CDYL: variants seen among roughly 807,000 people sequenced by gnomAD.
CDYL encodes chromodomain Y-like protein.
A neutral mutation model predicts 47.3 loss-of-function variants in CDYL; 8 were observed. That is an observed-to-expected ratio of 0.17 (90% confidence interval 0.10 to 0.31). The LOEUF (loss-of-function observed/expected upper bound fraction) is 0.31. Among genes scored for constraint, CDYL ranks in the 10% least tolerant of loss-of-function variants. The pLI, the probability that CDYL is intolerant of heterozygous loss-of-function variation, is 1.00. For missense variants in CDYL, 471 were observed against 701.4 expected (o/e 0.67, Z 3.71); for synonymous variants, 266 against 265.0 (o/e 1.00, Z -0.04).
At chr6:4,862,412 C>G (rs1056132862) in intron 1 of CDYL, among the ~76,000 whole-genome samples, 2 of 152,168 alleles carry the variant, frequency 1.3e-5, no homozygotes, top group African/African-American at 4.8e-5. Flanking sequence ...CTGGTGACAG[C>G]TCACCCTACA....
Position 4,892,176 on chromosome 6 carries a change from C to G in CDYL, c.488C>G (p.Pro163Arg). The G allele has an allele frequency of 6.2e-7, 1 of 1,614,218 alleles. No individual in the cohort carries two copies. Among genetic ancestry groups the G allele is most frequent in the Non-Finnish European group, 8.5e-7 (1 of 1,180,050 alleles). ...TAVDGFQSES[P>R]EKLDPVEQGQ... ...GTGGACGGCTTTCAGAGCGAGAGCC[C>G]TGAGAAACTGGACCCCGTCGAGCAG... The change falls in exon 2 of 7, where the codon CCT becomes CGT. Residue 163 changes from proline to arginine, a missense_variant. This residue lies in a region of CDYL where 311 missense variants were observed against 350.0 expected (regional missense o/e 0.89). Coordinates refer to ENST00000397588, the MANE Select transcript of CDYL (RefSeq NM_004824.4).
intron 2 of CDYL, among the ~76,000 whole-genome samples, chr6:4,718,876 A>G (rs1250763402): frequency 6.6e-6 from 1 of 150,872 alleles, no homozygotes; most frequent in Non-Finnish European, 1.5e-5. Context: ...ATAGGCATTC[A>G]GGTTATATTG....
chr6:4,857,955 A>G (rs1761056413), intron 1 of CDYL, among the ~76,000 whole-genome samples: 1 of 152,196 alleles, frequency 6.6e-6, no homozygotes, highest in African/African-American at 2.4e-5. Context: ...TGGATTTGCC[A>G]AGTTGGATTG....
At chr6:4,712,990 C>T (rs1757179152) in intron 1 of CDYL, among the ~76,000 whole-genome samples, 1 of 152,172 alleles carries the variant, frequency 6.6e-6, no homozygotes, top group Non-Finnish European at 1.5e-5. Context: ...ACAAAACATA[C>T]AAAAATTAGC....
At position 4,783,531 on chromosome 6, in the gene CDYL, C is replaced by T. The variant is rs182537270; in HGVS notation, c.24+6724C>T. On this transcript the variant is annotated intron_variant, in intron 1 of 6. Transcript: ENST00000397588. ...TCACTGGTTCAAGTGATTCTCCTGC[C>T]TCAGCCTTTCAAGTAGCTGGGATTA... Among the ~76,000 whole-genome samples the T allele has an allele frequency of 1.5e-4, 23 of 152,044 alleles. 2 individuals carry two copies. The East Asian group carries it at 2.3e-3, about 15-fold the overall frequency.
At position 4,955,280 on chromosome 6, in the gene CDYL, T is replaced by C. The variant is rs1349704386; in HGVS notation, c.*1224T>C. On this transcript the variant is annotated 3_prime_UTR_variant, in exon 7 of 7. Coordinates refer to ENST00000397588, the MANE Select transcript of CDYL (RefSeq NM_004824.4). Reference sequence around the variant, plus strand: ...TGAGCTTGCAATCATATTGAATGTATGAAGAGCGAAATCAAATTCTTATTT... The same window carrying C: ...TGAGCTTGCAATCATATTGAATGTACGAAGAGCGAAATCAAATTCTTATTT... The C allele has an allele frequency of 6.6e-6, 1 of 152,660 alleles. No individual in the cohort carries two copies. Among genetic ancestry groups the C allele is most frequent in the Non-Finnish European group, 1.5e-5 (1 of 68,040 alleles). The allele number at this position is 152,660 out of a possible 1,614,324, so 9.5% of individuals were successfully genotyped here. A position where few individuals can be genotyped will look rare whatever the true frequency, so the allele number is the denominator to read the frequency against.
intron 2 of CDYL, among the ~76,000 whole-genome samples, chr6:4,728,218 T>C (rs1757547974): frequency 6.6e-6 from 1 of 152,238 alleles, no homozygotes; most frequent in African/African-American, 2.4e-5. Context: ...TTAAGCTTGC[T>C]TGTGGATGAT....
chr6:4,854,775 A>C (rs781018375), intron 1 of CDYL, among the ~76,000 whole-genome samples: 3 of 152,148 alleles, frequency 2.0e-5, no homozygotes, highest in Non-Finnish European at 2.9e-5. Context: ...TCGAAACAAA[A>C]ACCAGCCACC....
At chr6:4,830,502 T>A (rs1437898073) in intron 1 of CDYL, among the ~76,000 whole-genome samples, 1 of 152,232 alleles carries the variant, frequency 6.6e-6, no homozygotes, top group African/African-American at 2.4e-5. Context: ...TAGTTTGTGT[T>A]CTGAAGCTTT....
intron 1 of CDYL, among the ~76,000 whole-genome samples, chr6:4,865,346 G>A (rs373332902): frequency 1.1e-4 from 17 of 152,162 alleles, no homozygotes; most frequent in South Asian, 8.3e-4. Flanking sequence ...TAGACTGTGC[G>A]GTCCAACCCT....
intron 1 of CDYL, among the ~76,000 whole-genome samples, chr6:4,851,155 T>C (rs572305085): frequency 1.3e-5 from 2 of 152,270 alleles, no homozygotes; most frequent in Admixed American, 1.3e-4. Flanking sequence ...TAGTAGAAAG[T>C]AGTAATCTGG....
chr6:4,757,262 A>G (rs1172954704), intron 3 of CDYL, among the ~76,000 whole-genome samples: 1 of 152,200 alleles, frequency 6.6e-6, no homozygotes, highest in African/African-American at 2.4e-5. Flanking sequence ...AAGTAATGCA[A>G]TTGTTAGGAT....
chr6:4,939,935 C>T (rs534515476), intron 4 of CDYL, among the ~76,000 whole-genome samples: 2 of 152,138 alleles, frequency 1.3e-5, no homozygotes, highest in South Asian at 2.1e-4. Flanking sequence ...GTCCTGGCTC[C>T]GTTTTCCCGT....
chr6:4,826,629 T>G (rs1235998367), intron 1 of CDYL, among the ~76,000 whole-genome samples: 2 of 152,248 alleles, frequency 1.3e-5, no homozygotes, highest in South Asian at 2.1e-4. Context: ...AAGGAGGGTG[T>G]TGTTTTAATT....
At chr6:4,849,167 T>G (rs1235355980) in intron 1 of CDYL, among the ~76,000 whole-genome samples, 1 of 152,176 alleles carries the variant, frequency 6.6e-6, no homozygotes, top group Non-Finnish European at 1.5e-5. Context: ...AGTCCATCGT[T>G]TCTCCTTTAA....
At chr6:4,884,681 T>C (rs1026643965) in intron 1 of CDYL, among the ~76,000 whole-genome samples, 7 of 152,226 alleles carry the variant, frequency 4.6e-5, no homozygotes, top group African/African-American at 1.7e-4. Flanking sequence ...TTTACTGCGC[T>C]GTAGGATAAA....
In CDYL at chr6:4,776,738, G is replaced by GGCCCCC; in HGVS notation, c.-46_-45insGCCCCC. On this transcript the variant is annotated 5_prime_UTR_variant, in exon 1 of 7. Transcript: ENST00000397588. Reference sequence around the variant, plus strand: ...AAAGTGTCGGCCGCCCGGCGCCGGCGCCCGCCCCGACCCTGCCCCTCCCGC... The same window carrying GGCCCCC: ...AAAGTGTCGGCCGCCCGGCGCCGGCGGCCCCCCCCGCCCCGACCCTGCCCCTCCCGC... The GGCCCCC allele has an allele frequency of 1.3e-5, 16 of 1,250,198 alleles. No individual in the cohort carries two copies. Among genetic ancestry groups the GGCCCCC allele is most frequent in the East Asian group, 5.1e-5 (1 of 19,484 alleles). 77.4% of individuals were successfully genotyped at this position (1,250,198 alleles called of 1,614,324 possible).
At chr6:4,764,592 G>A (rs1463067243) in intron 3 of CDYL, among the ~76,000 whole-genome samples, 2 of 152,082 alleles carry the variant, frequency 1.3e-5, no homozygotes, top group Admixed American at 6.6e-5. Flanking sequence ...CCAGTCAGTT[G>A]TAGGTATCTT....
chr6:4,786,525 A>G (rs1450067831), intron 1 of CDYL, among the ~76,000 whole-genome samples: 2 of 151,250 alleles, frequency 1.3e-5, no homozygotes, highest in East Asian at 3.9e-4. Context: ...AAAATTTAAA[A>G]AGTTTGTTTT....
Sources: allele counts gnomAD v4.1 joint callset (sites outside exome capture counted in the v4.1 genomes callset), GRCh38; gene constraint gnomAD v4.1.1; regional missense constraint gnomAD v4.1.1; transcripts MANE v1.5; gene names NCBI Gene and HGNC (gene_info 2026-07-23, HGNC 2026-07-21).